The following ITGA2 variants were observed in gnomAD, a reference collection of about 807,000 sequenced individuals.
The protein encoded by ITGA2 is integrin alpha-2.
ITGA2 carries 101 observed loss-of-function variants against 146.3 expected under a neutral mutation model. The ratio of observed to expected loss-of-function variants is 0.69; its 90% CI spans 0.59 to 0.81. The LOEUF (loss-of-function observed/expected upper bound fraction) is 0.81. Among genes scored for constraint, ITGA2 ranks in the 40% least tolerant of loss-of-function variants. The pLI, the probability that ITGA2 is intolerant of heterozygous loss-of-function variation, is 0.00. For synonymous variants in ITGA2, 477 were observed against 487.1 expected (o/e 0.98, Z 0.27); for missense variants, 1,281 against 1,402.7 (o/e 0.91, Z 1.39).
chr5:53,025,653 A>T (rs1173056328), intron 1 of ITGA2, among the ~76,000 whole-genome samples: 1 of 152,262 alleles, frequency 6.6e-6, no homozygotes, highest in African/African-American at 2.4e-5. Flanking sequence ...CTAAAACAAT[A>T]GACATATGAA....
At chr5:53,053,277 C>T (rs1744472852) in intron 7 of ITGA2, among the ~76,000 whole-genome samples, 2 of 152,106 alleles carry the variant, frequency 1.3e-5, no homozygotes, top group Admixed American at 1.3e-4. Context: ...GCAGATTCCC[C>T]ACAAGAGAAG....
At chr5:53,075,187 T>C (rs1276310823) in intron 22 of ITGA2, 34 bp from the exon 23 acceptor site, 1 of 1,607,898 alleles carries the variant, frequency 6.2e-7, no homozygotes, top group South Asian at 1.1e-5. Context: ...TTTGTATTTC[T>C]CTTTAAGTAA....
chr5:53,044,917 C>A, intron 3 of ITGA2, 84 bp from the exon 4 acceptor site: 3 of 924,454 alleles, frequency 3.2e-6, no homozygotes, highest in African/African-American at 1.6e-5. Flanking sequence ...TACATGCAAA[C>A]ATGGGTGTGC....
chr5:53,081,194 A>C (rs982638301), intron 25 of ITGA2, among the ~76,000 whole-genome samples: 1 of 152,108 alleles, frequency 6.6e-6, no homozygotes, highest in Non-Finnish European at 1.5e-5. Flanking sequence ...CTCTAGCCAA[A>C]CCTCTTGACA....
rs1357128249 is a variant in ITGA2 at position 53,051,487 on chromosome 5, T to C, written c.707T>C (p.Ile236Thr). 66 of 1,613,588 alleles carry C rather than the reference T, an allele frequency of 4.1e-5. No individual in the cohort carries two copies. The highest frequency in any genetic ancestry group is 4.8e-5 in the Non-Finnish European group (57 of 1,179,654). The change falls in exon 7 of 30, where the codon ATT (isoleucine) becomes ACT (threonine). Residue 236 changes from isoleucine (I) to threonine (T), a missense_variant. Ile to Thr is a moderately conservative substitution (Grantham distance 89, BLOSUM62 -1). Transcript: ENST00000296585. ...LNTYKTKEEM[I>T]VATSQTSQYG... ...ACATATAAAACCAAAGAAGAAATGA[T>C]TGTAGCAACATCCCAGACATCCCAA...
At chr5:53,020,318 AGACTTATTACAAACATAGAGTTCCATG>A (rs1389851734) in intron 1 of ITGA2, among the ~76,000 whole-genome samples, 4 of 152,234 alleles carry the variant, frequency 2.6e-5, no homozygotes, top group African/African-American at 9.6e-5. Context: ...AGTTTATACA[AGACTTATTACAAACATAGAGTTCCATG>A]GAATTGAAGT....
chr5:52,999,930 A>G (rs980137760), intron 1 of ITGA2, among the ~76,000 whole-genome samples: 1 of 152,198 alleles, frequency 6.6e-6, no homozygotes, highest in African/African-American at 2.4e-5. Flanking sequence ...GGATCCCAGA[A>G]GTCCCCTATA....
intron 1 of ITGA2, among the ~76,000 whole-genome samples, chr5:53,024,109 G>T (rs1742818430): frequency 6.6e-6 from 1 of 152,102 alleles, no homozygotes; most frequent in South Asian, 2.1e-4. Flanking sequence ...ACTCAGAGTG[G>T]GTGACATTGC....
At chr5:53,011,862 A>G (rs759716573) in intron 1 of ITGA2, among the ~76,000 whole-genome samples, 2 of 152,124 alleles carry the variant, frequency 1.3e-5, no homozygotes, top group Non-Finnish European at 2.9e-5. Flanking sequence ...AAGGCTGAGA[A>G]TATGTTCTCA....
chr5:52,989,814 G>A (rs199657229), intron 1 of ITGA2, among the ~76,000 whole-genome samples: 11 of 145,978 alleles, frequency 7.5e-5, no homozygotes, highest in Admixed American at 3.4e-4. Context: ...GTACACACAC[G>A]CACACACACA....
chr5:53,081,733 C>T (rs759470251), intron 26 of ITGA2, 37 bp downstream of exon 26: 1 of 1,358,422 alleles, frequency 7.4e-7, no homozygotes, highest in South Asian at 1.2e-5. Context: ...TCCCCTCATT[C>T]ATTTATTTCA....
At chr5:53,054,634 C>G (rs1014774676) in intron 7 of ITGA2, among the ~76,000 whole-genome samples, 14 of 151,890 alleles carry the variant, frequency 9.2e-5, no homozygotes, top group Non-Finnish European at 1.8e-4. Context: ...AAATATTATG[C>G]AGACATTTAA....
At chr5:53,061,561 G>T (rs144256646) in intron 12 of ITGA2, among the ~76,000 whole-genome samples, 343 of 152,012 alleles carry the variant, frequency 2.3e-3, no homozygotes, top group Non-Finnish European at 3.5e-3. Flanking sequence ...GATTCTAAAA[G>T]TAAAACAATT....
intron 1 of ITGA2, among the ~76,000 whole-genome samples, chr5:53,003,794 A>G (rs571515277): frequency 6.6e-6 from 1 of 152,192 alleles, no homozygotes; most frequent in East Asian, 1.9e-4. Flanking sequence ...ATGGTCCTCG[A>G]CCATTCATTG....
intron 1 of ITGA2, among the ~76,000 whole-genome samples, chr5:53,008,283 G>A (rs1307786583): frequency 6.7e-6 from 1 of 149,840 alleles, no homozygotes; most frequent in Non-Finnish European, 1.5e-5. Context: ...TGTGGGTACT[G>A]AGAGAGAAAG....
intron 23 of ITGA2, among the ~76,000 whole-genome samples, chr5:53,076,242 C>T (rs923815121): frequency 6.6e-6 from 1 of 151,958 alleles, no homozygotes; most frequent in Non-Finnish European, 1.5e-5. Flanking sequence ...CCCTGAATAG[C>T]ACACTGCAGC....
chr5:53,008,591 C>A (rs986755159), intron 1 of ITGA2, among the ~76,000 whole-genome samples: 7 of 151,898 alleles, frequency 4.6e-5, no homozygotes, highest in African/African-American at 1.7e-4. Context: ...CTGTAAAAAA[C>A]AAATAGCCGC....
At position 53,067,233 on chromosome 5, in the gene ITGA2, C is replaced by A. The variant is rs1217026408; in HGVS notation, c.2059C>A (p.Pro687Thr). 3 of 1,611,572 alleles carry A rather than the reference C, an allele frequency of 1.9e-6. No individual in the cohort carries two copies. The highest frequency in any genetic ancestry group is 2.7e-5 in the African/African-American group (2 of 74,846). Reference sequence around the variant, plus strand: ...ACTCTGCTTCAGTGCAAAGTTCAGACCTACTAAGCAAAACAATCAAGTGGG... The same window carrying A: ...ACTCTGCTTCAGTGCAAAGTTCAGAACTACTAAGCAAAACAATCAAGTGGG... The part of the protein sequence containing the change: ...LKLCFSAKFR[P>T]TKQNNQVAIV... Residue 687 changes from proline to threonine, a missense_variant, in exon 16 of 30, where the codon CCT becomes ACT. Transcript: ENST00000296585.
chr5:53,073,365 A>G (rs538177090), intron 20 of ITGA2, 106 bp downstream of exon 20: 4 of 1,203,372 alleles, frequency 3.3e-6, no homozygotes, highest in Admixed American at 3.4e-5. Flanking sequence ...AACCCTCAAC[A>G]TGATCAATCT....
Sources: gnomAD v4.1 joint callset for allele counts (sites outside exome capture counted in the v4.1 genomes callset) on GRCh38, gnomAD v4.1.1 for gene constraint, MANE v1.5 for transcripts, NCBI Gene and HGNC (gene_info 2026-07-23, HGNC 2026-07-21) for gene names.